Variants in ACTR3C observed in about 807,000 individuals in gnomAD.
ACTR3C encodes actin-related protein 3C.
Under a neutral mutation model 26.3 loss-of-function variants are expected in ACTR3C, and 18 were observed. The ratio of observed to expected loss-of-function variants is 0.68; its 90% CI spans 0.47 to 1.01. The LOEUF (loss-of-function observed/expected upper bound fraction) is 1.01. Among genes scored for constraint, ACTR3C ranks in the 50% least tolerant of loss-of-function variants. The pLI is 0.00. For missense variants in ACTR3C, 184 were observed against 250.7 expected (o/e 0.73, Z 1.80); for synonymous variants, 55 against 94.5 (o/e 0.58, Z 2.42).
intron 1 of ACTR3C, among the ~76,000 whole-genome samples, chr7:150,300,457 G>C (rs1488443965): frequency 2.0e-5 from 3 of 152,136 alleles, no homozygotes; most frequent in African/African-American, 7.2e-5. Context: ...GGCTAAGAAC[G>C]GGTAAGGGCG....
At chr7:150,121,083 C>T in the ACTR3C span, among the ~76,000 whole-genome samples, 2 of 152,236 alleles carry the variant, frequency 1.3e-5, no homozygotes, top group African/African-American at 2.4e-5. Context: ...TGGGACGTAT[C>T]TCAAAATAAT....
the ACTR3C span, among the ~76,000 whole-genome samples, chr7:150,152,150 G>T: frequency 2.2e-4 from 33 of 152,186 alleles, no homozygotes; most frequent in African/African-American, 7.0e-4. Context: ...CTGCCTAACT[G>T]CCCTGGCCAG....
the ACTR3C span, among the ~76,000 whole-genome samples, chr7:150,066,242 T>C: frequency 6.6e-6 from 1 of 152,078 alleles, no homozygotes; most frequent in Non-Finnish European, 1.5e-5. Context: ...CTCATGACAC[T>C]ATGTGAGGTG....
chr7:150,193,486 CTT>C, the ACTR3C span, among the ~76,000 whole-genome samples: 2 of 141,570 alleles, frequency 1.4e-5, no homozygotes, highest in African/African-American at 5.2e-5. Flanking sequence ...TGCTTTTCCT[CTT>C]GTTTCTTAAG....
the ACTR3C span, chr7:150,047,525 C>A: frequency 1.5e-4 from 116 of 766,480 alleles, no homozygotes; most frequent in South Asian, 3.5e-4. Context: ...TTCCCCCCCC[C>A]ACAGATGCCC....
At chr7:149,891,077 A>G in the ACTR3C span, 1 of 654,146 alleles carries the variant, frequency 1.5e-6, no homozygotes, top group African/African-American at 1.8e-5. Context: ...AGCCTGATTC[A>G]TGCACATATC....
chr7:150,265,984 A>G (rs1584873298), intron 6 of ACTR3C, among the ~76,000 whole-genome samples: 1 of 151,932 alleles, frequency 6.6e-6, no homozygotes, highest in Non-Finnish European at 1.5e-5. Context: ...TAAACTTAAC[A>G]TTAATACAGA....
At chr7:149,931,299 C>T in the ACTR3C span, among the ~76,000 whole-genome samples, 14 of 152,342 alleles carry the variant, frequency 9.2e-5, no homozygotes, top group African/African-American at 2.4e-4. Context: ...CTGTATTCCA[C>T]GCCTCAGTTT....
At chr7:150,142,134 CA>C in the ACTR3C span, among the ~76,000 whole-genome samples, 1 of 152,162 alleles carries the variant, frequency 6.6e-6, no homozygotes, top group Non-Finnish European at 1.5e-5. Flanking sequence ...CCAGTATATG[CA>C]AAACCCTCGG....
At chr7:150,038,077 G>A in the ACTR3C span, among the ~76,000 whole-genome samples, 23 of 141,910 alleles carry the variant, frequency 1.6e-4, 3 homozygotes, top group East Asian at 2.0e-3. Flanking sequence ...CCCACCTCGC[G>A]GGGGGTGCCT....
the ACTR3C span, among the ~76,000 whole-genome samples, chr7:150,141,897 T>C: frequency 6.6e-6 from 1 of 151,970 alleles, no homozygotes; most frequent in Non-Finnish European, 1.5e-5. Context: ...AAGGCCTCTC[T>C]CTACACACCC....
chr7:149,998,961 C>T, the ACTR3C span, among the ~76,000 whole-genome samples: 20 of 150,506 alleles, frequency 1.3e-4, no homozygotes, highest in South Asian at 4.3e-4. Flanking sequence ...GAAGGGCCTA[C>T]GTGGCTAGCA....
intron 1 of ACTR3C, among the ~76,000 whole-genome samples, chr7:150,310,941 G>T (rs546803112): frequency 6.6e-6 from 1 of 151,926 alleles, no homozygotes; most frequent in Non-Finnish European, 1.5e-5. Context: ...TACATATCTC[G>T]GCATAGTCCT....
the ACTR3C span, chr7:150,047,635 C>A: frequency 1.1e-4 from 110 of 1,046,856 alleles, no homozygotes; most frequent in Middle Eastern, 3.5e-3. Flanking sequence ...TCGCTCCGCG[C>A]CTGGTACTGG....
chr7:150,284,160 T>C (rs1418835458), intron 6 of ACTR3C, among the ~76,000 whole-genome samples: 1 of 152,248 alleles, frequency 6.6e-6, no homozygotes, highest in Non-Finnish European at 1.5e-5. Flanking sequence ...GGCATCACTC[T>C]TACTTTCCAT....
chr7:149,904,100 T>C, the ACTR3C span, among the ~76,000 whole-genome samples: 1 of 138,568 alleles, frequency 7.2e-6, no homozygotes, highest in African/African-American at 2.4e-5. Flanking sequence ...TTGTATTTTT[T>C]AGTAGAGACA....
At chr7:150,167,390 A>C in the ACTR3C span, among the ~76,000 whole-genome samples, 1 of 150,776 alleles carries the variant, frequency 6.6e-6, no homozygotes, top group East Asian at 1.9e-4. Context: ...GTCACTTTTG[A>C]TCTATTTCCT....
At chr7:150,044,328 C>T in the ACTR3C span, among the ~76,000 whole-genome samples, 2 of 152,010 alleles carry the variant, frequency 1.3e-5, no homozygotes, top group African/African-American at 4.8e-5. Context: ...ATTTTTAAAC[C>T]TACACAATGA....
chr7:150,037,997 C>T, the ACTR3C span, among the ~76,000 whole-genome samples: 4 of 134,632 alleles, frequency 3.0e-5, 1 homozygote, highest in African/African-American at 5.8e-5. Flanking sequence ...CCCCGCCTCG[C>T]GGGAATTGCC....
Sources: allele counts gnomAD v4.1 joint callset (sites outside exome capture counted in the v4.1 genomes callset), GRCh38; gene constraint gnomAD v4.1.1; transcripts MANE v1.5; gene names NCBI Gene and HGNC (gene_info 2026-07-23, HGNC 2026-07-21).